The following DOCK3 variants were observed in gnomAD, a reference collection of about 807,000 sequenced individuals.
DOCK3 encodes dedicator of cytokinesis protein 3.
In DOCK3, 60 loss-of-function variants were observed where a neutral mutation model predicts 265.6. The ratio of observed to expected loss-of-function variants is 0.23; its 90% CI spans 0.18 to 0.28. The LOEUF (loss-of-function observed/expected upper bound fraction) is 0.28. Ranked by LOEUF, DOCK3 falls within the 10% of genes least tolerant of loss-of-function variation. The pLI is 1.00. For missense variants in DOCK3, 1,981 were observed against 2,594.3 expected (o/e 0.76, Z 5.14); for synonymous variants, 881 against 938.0 (o/e 0.94, Z 1.11).
At position 51,356,171 on chromosome 3, in the gene DOCK3, C is replaced by T. The variant is rs767588091; in HGVS notation, c.4332C>T (p.Ser1444=). Residue 1444 remains serine, a synonymous_variant, in exon 42 of 53, where the codon AGC becomes AGT. Transcript: ENST00000266037. Reference sequence around the variant, plus strand: ...ATAGGGTACCAGATCGAGTCAAGAGCTTCTATCGCGTCAACAATGTGAGGA... The same window carrying T: ...ATAGGGTACCAGATCGAGTCAAGAGTTTCTATCGCGTCAACAATGTGAGGA... The part of the protein sequence containing the change: ...QMDRVPDRVK[S]FYRVNNVRKF... The T allele has an allele frequency of 3.1e-6, 5 of 1,613,874 alleles. No homozygotes were observed. In the South Asian group the frequency reaches 4.4e-5, roughly 14 times the overall value.
intron 35 of DOCK3, among the ~76,000 whole-genome samples, chr3:51,337,713 T>C (rs565534457): frequency 1.3e-5 from 2 of 152,308 alleles, no homozygotes; most frequent in African/African-American, 4.8e-5. Flanking sequence ...TTGGAAAAGA[T>C]CCATTCTCAG....
chr3:51,226,387 T>C (rs191538655), intron 15 of DOCK3, among the ~76,000 whole-genome samples: 286 of 152,320 alleles, frequency 1.9e-3, no homozygotes, highest in Admixed American at 3.6e-3. Flanking sequence ...CAGCCCACTT[T>C]GTAGAAGACA....
rs1553618878 is a variant in DOCK3 at position 51,381,600 on chromosome 3, C to T, written c.*41C>T. On this transcript the variant is annotated 3_prime_UTR_variant, in exon 53 of 53. Transcript: ENST00000266037. This position sits in a 1 kb window ranked among gnomAD's most constrained non-coding sequence, Gnocchi z 5.6. ...CTGGGATGCCGCCCTCAGTAAGCAGCTTGCCAATCACTCCAGGTCTGAAAA... is the reference window on the plus strand; with the variant it reads ...CTGGGATGCCGCCCTCAGTAAGCAGTTTGCCAATCACTCCAGGTCTGAAAA... The T allele has an allele frequency of 6.9e-7, 1 of 1,458,638 alleles. No individual in the cohort carries two copies. The highest frequency in any genetic ancestry group is 2.7e-5 in the Admixed American group (1 of 37,350). 90.4% of individuals were successfully genotyped at this position (1,458,638 alleles called of 1,614,324 possible). A position where few individuals can be genotyped will look rare whatever the true frequency, so the allele number is the denominator to read the frequency against.
chr3:51,066,526 T>G (rs1477550755), intron 6 of DOCK3, among the ~76,000 whole-genome samples: 1 of 152,216 alleles, frequency 6.6e-6, no homozygotes, highest in African/African-American at 2.4e-5. Context: ...GGAAATGATT[T>G]GCCAGCCAGA....
chr3:51,085,799 G>A (rs907703560), intron 7 of DOCK3, among the ~76,000 whole-genome samples: 9 of 151,942 alleles, frequency 5.9e-5, no homozygotes, highest in Non-Finnish European at 1.3e-4. Context: ...AAAGTTAGTA[G>A]AAATAAGTAA....
intron 5 of DOCK3, among the ~76,000 whole-genome samples, chr3:50,981,312 C>T (rs371589910): frequency 1.8e-4 from 28 of 152,162 alleles, no homozygotes; most frequent in African/African-American, 6.0e-4. Context: ...ACAGTATATC[C>T]GATAGCTTAC....
chr3:50,965,158 A>G (rs1429249521), intron 5 of DOCK3, among the ~76,000 whole-genome samples: 4 of 152,138 alleles, frequency 2.6e-5, no homozygotes, highest in Non-Finnish European at 4.4e-5. Context: ...TTAGAAATCA[A>G]TATTTAAAAC....
intron 25 of DOCK3, among the ~76,000 whole-genome samples, chr3:51,275,862 G>A (rs1415980087): frequency 3.3e-5 from 5 of 152,072 alleles, no homozygotes; most frequent in Non-Finnish European, 7.4e-5. Context: ...AATTAGGCAC[G>A]GGTGAGGGTA....
intron 27 of DOCK3, among the ~76,000 whole-genome samples, chr3:51,288,991 C>T (rs903424747): frequency 6.6e-5 from 10 of 150,922 alleles, no homozygotes; most frequent in African/African-American, 2.2e-4. Flanking sequence ...AGGGAGTAGC[C>T]TGGGGGAAGA....
At chr3:50,985,813 AATTT>A (rs1319120992) in intron 5 of DOCK3, among the ~76,000 whole-genome samples, 2 of 151,584 alleles carry the variant, frequency 1.3e-5, no homozygotes, top group African/African-American at 2.4e-5. Context: ...TTTAAATTTA[AATTT>A]ATTTATTAAA....
chr3:50,707,761 G>A (rs2036507942), intron 1 of DOCK3, among the ~76,000 whole-genome samples: 1 of 151,996 alleles, frequency 6.6e-6, no homozygotes. Flanking sequence ...ATTGCCATAT[G>A]CCCCTGGGTG....
intron 1 of DOCK3, among the ~76,000 whole-genome samples, chr3:50,730,838 A>G (rs1403561550): frequency 2.0e-5 from 3 of 151,126 alleles, no homozygotes; most frequent in Admixed American, 6.6e-5. Context: ...CTCTAAAAAA[A>G]TATTCCTTTT....
chr3:51,339,768 C>G (rs908371771), intron 37 of DOCK3, among the ~76,000 whole-genome samples: 1 of 152,210 alleles, frequency 6.6e-6, no homozygotes, highest in Non-Finnish European at 1.5e-5. Flanking sequence ...GCCATTTTCT[C>G]CACTGTGGTG....
chr3:50,845,499 G>C (rs2046037396), intron 3 of DOCK3, among the ~76,000 whole-genome samples: 1 of 152,110 alleles, frequency 6.6e-6, no homozygotes, highest in Admixed American at 6.5e-5. Flanking sequence ...CATATTCATG[G>C]AATAGTAAAT....
chr3:50,983,047 G>C (rs1454915809), intron 5 of DOCK3, among the ~76,000 whole-genome samples: 1 of 152,178 alleles, frequency 6.6e-6, no homozygotes, highest in African/African-American at 2.4e-5. Context: ...AGCAGGGTTC[G>C]GGCCAAGCCC....
At chr3:51,206,571 A>AG (rs1197930394) in intron 12 of DOCK3, among the ~76,000 whole-genome samples, 3 of 152,144 alleles carry the variant, frequency 2.0e-5, no homozygotes, top group African/African-American at 7.2e-5. Flanking sequence ...TTAAAAAAAA[A>AG]AGAGAGAGAC....
chr3:50,919,801 G>A (rs1246128721), intron 4 of DOCK3, among the ~76,000 whole-genome samples: 2 of 152,160 alleles, frequency 1.3e-5, no homozygotes, highest in African/African-American at 4.8e-5. Flanking sequence ...AATAGGAGTG[G>A]TGAGACAGGA....
intron 1 of DOCK3, among the ~76,000 whole-genome samples, chr3:50,725,046 C>A (rs1165167847): frequency 2.0e-5 from 3 of 151,356 alleles, no homozygotes; most frequent in Non-Finnish European, 2.9e-5. Context: ...ATGAAAGATA[C>A]CACCTCACAG....
At chr3:50,712,377 G>A (rs1469438763) in intron 1 of DOCK3, among the ~76,000 whole-genome samples, 3 of 152,104 alleles carry the variant, frequency 2.0e-5, no homozygotes, top group Non-Finnish European at 4.4e-5. Context: ...TCGCTCTGTT[G>A]CCCAGGCTGT....
Sources: allele counts gnomAD v4.1 joint callset (sites outside exome capture counted in the v4.1 genomes callset), GRCh38; gene constraint gnomAD v4.1.1; non-coding constraint Gnocchi (gnomAD v3.1); transcripts MANE v1.5; gene names NCBI Gene and HGNC (gene_info 2026-07-23, HGNC 2026-07-21).